The following SNX13 variants were observed in gnomAD, a reference collection of about 807,000 sequenced individuals.
SNX13 encodes sorting nexin-13.
Under a neutral mutation model 133.6 loss-of-function variants are expected in SNX13, and 45 were observed. That is an observed-to-expected ratio of 0.34 (90% CI 0.27 to 0.43). The LOEUF (loss-of-function observed/expected upper bound fraction) is 0.43, where lower values mean the gene tolerates loss of function less well. SNX13 is among the 20% of genes least tolerant of loss of function. The pLI, the probability that SNX13 is intolerant of heterozygous loss-of-function variation, is 1.00. For missense variants in SNX13, 1,032 were observed against 1,145.1 expected (o/e 0.90, Z 1.43); for synonymous variants, 414 against 373.9 (o/e 1.11, Z -1.24).
chr7:17,882,859 AAAC>A, intron 5 of SNX13: 1 of 1,285,266 alleles, frequency 7.8e-7, no homozygotes, highest in East Asian at 6.0e-5. Flanking sequence ...AGGTTTTGTT[AAAC>A]AAAACAGGGT....
At chr7:17,940,227 C>G (rs1802672999) in intron 1 of SNX13, 57 bp downstream of exon 1, 1 of 1,551,288 alleles carries the variant, frequency 6.4e-7, no homozygotes, top group Non-Finnish European at 8.7e-7. Context: ...CTCTGACGGG[C>G]TGGCGCCGGC....
chr7:17,901,108 C>T (rs566343342), intron 1 of SNX13, among the ~76,000 whole-genome samples: 107 of 152,176 alleles, frequency 7.0e-4, no homozygotes, highest in African/African-American at 2.4e-3. Context: ...TCTAGAAATG[C>T]GGTCTGGGAG....
intron 20 of SNX13, among the ~76,000 whole-genome samples, chr7:17,805,254 T>TGCGCGCGTGCGC (rs1785125698): frequency 7.6e-6 from 1 of 132,440 alleles, no homozygotes; most frequent in Non-Finnish European, 1.6e-5. Flanking sequence ...TGTGTGTGCG[T>TGCGCGCGTGCGC]GCGCGCGCGC....
chr7:17,863,039 G>A (rs1246263793), intron 9 of SNX13, among the ~76,000 whole-genome samples: 1 of 152,160 alleles, frequency 6.6e-6, no homozygotes, highest in Non-Finnish European at 1.5e-5. Context: ...GGGAGGAAGA[G>A]TGAAGTAAGT....
chr7:17,884,834 T>A (rs1246976646), intron 5 of SNX13, among the ~76,000 whole-genome samples: 1 of 152,128 alleles, frequency 6.6e-6, no homozygotes, highest in African/African-American at 2.4e-5. Context: ...TACTTCACAC[T>A]CACTAAGATG....
chr7:17,819,092 CAATG>C (rs1284406233), intron 18 of SNX13, among the ~76,000 whole-genome samples: 1 of 152,118 alleles, frequency 6.6e-6, no homozygotes, highest in East Asian at 1.9e-4. Flanking sequence ...TTTGTTAAAT[CAATG>C]AATGAGCAGC....
chr7:17,820,883 A>T (rs1787213857), intron 18 of SNX13, among the ~76,000 whole-genome samples: 2 of 152,002 alleles, frequency 1.3e-5, no homozygotes, highest in African/African-American at 4.8e-5. Flanking sequence ...TCTTTTTTTT[A>T]AGTTGAGAAA....
At chr7:17,854,860 C>T (rs2128330752) in intron 9 of SNX13, among the ~76,000 whole-genome samples, 1 of 152,230 alleles carries the variant, frequency 6.6e-6, no homozygotes, top group South Asian at 2.1e-4. Flanking sequence ...GGAAGAGCCA[C>T]ATATCTTTCA....
In SNX13 at chr7:17,851,938, T is replaced by C. The variant is rs1210871936; in HGVS notation, c.838-974A>G. ...ACATGGATGGGAATAATCAAGAGAA[T>C]GAGGGTAGAGTGAAAAAAGAAGAGA... On this transcript the variant is annotated intron_variant, in intron 9 of 25. Transcript: ENST00000428135. 2.6e-4 allele frequency among the ~76,000 whole-genome samples: 39 copies of C among 151,640 alleles called. 1 individual carries two copies. Among genetic ancestry groups the C allele is most frequent in the Admixed American group, 2.5e-3 (38 of 15,234 alleles).
chr7:17,856,267 T>C (rs1791871064), intron 9 of SNX13, among the ~76,000 whole-genome samples: 2 of 152,260 alleles, frequency 1.3e-5, no homozygotes, highest in Admixed American at 6.5e-5. Context: ...TTGTTATAAA[T>C]TTAAGGTATC....
chr7:17,901,047 G>A (rs2128003471), intron 1 of SNX13, among the ~76,000 whole-genome samples: 1 of 152,180 alleles, frequency 6.6e-6, no homozygotes, highest in South Asian at 2.1e-4. Context: ...ATCTTGCCCG[G>A]ACTAGGTCCT....
intron 1 of SNX13, among the ~76,000 whole-genome samples, chr7:17,939,526 A>G (rs1408116204): frequency 1.3e-5 from 2 of 152,186 alleles, no homozygotes; most frequent in Non-Finnish European, 2.9e-5. Context: ...CTTCTTCAAA[A>G]AGTCGGCTTT....
rs143700292 is a variant in SNX13, at chr7:17,891,179, G to A, written c.318+367C>T. ...TCTAATTTTTTAATGTTTTTGCATC[G>A]GATATTTCTTTTCCATTTTTTAAAA... On this transcript the variant is annotated intron_variant, in intron 4 of 25. Transcript: ENST00000428135. 1.7e-3 allele frequency among the ~76,000 whole-genome samples: 252 copies of A among 151,622 alleles called. 2 individuals carry two copies. The East Asian group carries it at 0.046, about 28-fold the overall frequency.
chr7:17,833,940 C>G lies in SNX13; in HGVS notation c.1597+112G>C, dbSNP rs974850079. On this transcript the variant is annotated intron_variant, in intron 15 of 25. Transcript: ENST00000428135. ...CATTTGTAGATTTTTTAATATATTACAGTTTATATTTGGACTCCAACAACA... is the reference window on the plus strand; with the variant it reads ...CATTTGTAGATTTTTTAATATATTAGAGTTTATATTTGGACTCCAACAACA... 55 of 705,122 alleles carry G rather than the reference C, an allele frequency of 7.8e-5. No homozygotes were observed. The African/African-American group carries it at 7.9e-4, about 10-fold the overall frequency. The allele number at this position is 705,122 out of a possible 1,614,324, so 43.7% of individuals were successfully genotyped here.
In SNX13 at chr7:17,878,576, A is replaced by C. The variant is rs1455985274; in HGVS notation, c.441-2786T>G. Among the ~76,000 whole-genome samples the C allele has an allele frequency of 3.3e-5, 5 of 152,202 alleles. No homozygotes were observed. The East Asian group carries it at 9.6e-4, about 29-fold the overall frequency. The stretch of plus-strand genomic sequence containing the variant: ...CTTCATCTCTGTCTCTAATGCCACC[A>C]TCGTATCCCTCGCCACCATTCTACT... On this transcript the variant is annotated intron_variant, in intron 5 of 25. Coordinates refer to ENST00000428135, the MANE Select transcript of SNX13 (RefSeq NM_015132.5).
intron 24 of SNX13, among the ~76,000 whole-genome samples, chr7:17,797,410 G>A (rs963720499): frequency 6.6e-6 from 1 of 151,752 alleles, no homozygotes; most frequent in Non-Finnish European, 1.5e-5. Context: ...CTTACAGATG[G>A]ATTGACTATA....
intron 1 of SNX13, among the ~76,000 whole-genome samples, chr7:17,917,743 A>T (rs747308332): frequency 2.6e-5 from 4 of 152,204 alleles, no homozygotes; most frequent in Middle Eastern, 3.2e-3. Flanking sequence ...TACAGATTCA[A>T]TGCAATTCCT....
chr7:17,813,856 G>A (rs985780132), intron 20 of SNX13, among the ~76,000 whole-genome samples: 1 of 152,040 alleles, frequency 6.6e-6, no homozygotes, highest in Non-Finnish European at 1.5e-5. Flanking sequence ...AAAGCGCTGG[G>A]ATTACAGGCA....
At chr7:17,810,201 C>T (rs1201053636) in intron 20 of SNX13, among the ~76,000 whole-genome samples, 3 of 151,748 alleles carry the variant, frequency 2.0e-5, no homozygotes, top group East Asian at 3.9e-4. Context: ...TTGAAAAGAT[C>T]AACAAGATAG....
Sources: allele counts gnomAD v4.1 joint callset (sites outside exome capture counted in the v4.1 genomes callset), GRCh38; gene constraint gnomAD v4.1.1; transcripts MANE v1.5; gene names NCBI Gene and HGNC (gene_info 2026-07-23, HGNC 2026-07-21).